The following BIRC5 variants were observed in gnomAD, a reference collection of about 807,000 sequenced individuals.
The protein encoded by BIRC5 is baculoviral IAP repeat containing 5, also known as baculoviral IAP repeat-containing protein 5.
Under a neutral mutation model 15.8 loss-of-function variants are expected in BIRC5, and 8 were observed. The ratio of observed to expected loss-of-function variants is 0.51; its 90% CI spans 0.30 to 0.91. The LOEUF is 0.91. Among genes scored for constraint, BIRC5 ranks in the 40% least tolerant of loss-of-function variants. BIRC5 has a pLI of 0.07. For missense variants in BIRC5, 163 were observed against 178.6 expected (o/e 0.91, Z 0.50); for synonymous variants, 56 against 64.5 (o/e 0.87, Z 0.63).
At chr17:78,222,534 G>A (rs971591053) in intron 3 of BIRC5, among the ~76,000 whole-genome samples, 2 of 152,044 alleles carry the variant, frequency 1.3e-5, no homozygotes, top group East Asian at 1.9e-4. Flanking sequence ...GGGTGGTGGC[G>A]CATGCCTGTA....
At position 78,214,699 on chromosome 17, in the gene BIRC5, T is replaced by TGCC; in HGVS notation, c.131_132insGCC (p.Ile44delinsMetPro). ...TTGCAGATGGCCGAGGCTGGCTTCA[T>TGCC]CCACTGCCCCACTGAGAACGAGCCA... is the stretch of plus-strand genomic sequence containing the variant. On this transcript the variant is annotated protein_altering_variant, in exon 2 of 4. Coordinates refer to ENST00000350051, the MANE Select transcript of BIRC5 (RefSeq NM_001168.3). 6.2e-7 allele frequency: 1 copy of TGCC among 1,608,508 alleles called. No homozygotes were observed. The highest frequency in any genetic ancestry group is 8.5e-7 in the Non-Finnish European group (1 of 1,177,910).
At chr17:78,221,184 A>T (rs2076512902) in intron 3 of BIRC5, among the ~76,000 whole-genome samples, 1 of 152,252 alleles carries the variant, frequency 6.6e-6, no homozygotes, top group Non-Finnish European at 1.5e-5. Flanking sequence ...TTTACTTGGT[A>T]AATACTTGTG....
chr17:78,214,881 G>GAAAGCAAC, intron 2 of BIRC5, 92 bp downstream of exon 2: 4 of 1,200,176 alleles, frequency 3.3e-6, no homozygotes, highest in African/African-American at 1.5e-5. Context: ...TGGGAGGGTT[G>GAAAGCAAC]CTTTCCACCC....
intron 3 of BIRC5, chr17:78,222,733 G>A (rs1262888281): frequency 4.1e-6 from 6 of 1,450,558 alleles, no homozygotes; most frequent in African/African-American, 1.4e-5. Context: ...AAAGGTCTTT[G>A]TTTTTTAATG....
Position 78,224,817 on chromosome 17 carries a change from C to T in BIRC5, c.*1263C>T, listed in dbSNP as rs1251885786. ...GTGAGGATGAGCGTCCTGGCAGAGA[C>T]GCAGTTGTCTCTGGGCGCTTGCCAG... On this transcript the variant is annotated 3_prime_UTR_variant, in exon 4 of 4. Coordinates refer to ENST00000350051, the MANE Select transcript of BIRC5 (RefSeq NM_001168.3). 2 of 152,196 alleles carry T rather than the reference C, an allele frequency of 1.3e-5. No homozygotes were observed. The highest frequency in any genetic ancestry group is 6.5e-5 in the Admixed American group (1 of 15,270). The allele number at this position is 152,196 out of a possible 1,614,324, so 9.4% of individuals were successfully genotyped here. A position where few individuals can be genotyped will look rare whatever the true frequency, so the allele number is the denominator to read the frequency against.
intron 3 of BIRC5, among the ~76,000 whole-genome samples, chr17:78,220,936 C>T (rs2076511078): frequency 6.6e-6 from 1 of 152,140 alleles, no homozygotes; most frequent in Non-Finnish European, 1.5e-5. Flanking sequence ...TTCCCAAGAT[C>T]CCAGATTTGA....
intron 3 of BIRC5, among the ~76,000 whole-genome samples, chr17:78,219,515 T>C (rs2076501910): frequency 6.6e-6 from 1 of 152,110 alleles, no homozygotes; most frequent in Non-Finnish European, 1.5e-5. Flanking sequence ...TGCTAAGGAC[T>C]GAGATTGTGT....
At chr17:78,220,585 G>A (rs1252556198) in intron 3 of BIRC5, among the ~76,000 whole-genome samples, 1 of 152,182 alleles carries the variant, frequency 6.6e-6, no homozygotes, top group Non-Finnish European at 1.5e-5. Flanking sequence ...CAGCCTGCAA[G>A]AAAAGTAGGG....
chr17:78,216,137 TAC>T (rs1396038225), intron 2 of BIRC5: 1 of 200,812 alleles, frequency 5.0e-6, no homozygotes. Flanking sequence ...TAGTCCCAGC[TAC>T]TCGGGAGGCT....
At chr17:78,216,592 G>A in intron 2 of BIRC5, 72 bp from the exon 3 acceptor site, 2 of 1,310,334 alleles carry the variant, frequency 1.5e-6, no homozygotes, top group African/African-American at 1.4e-5. Context: ...GCGTGGGGAG[G>A]TGGCCCGTGG....
chr17:78,224,515 C>T lies in BIRC5; in HGVS notation c.*961C>T, dbSNP rs1231659723. 2 of 152,204 alleles carry T rather than the reference C, an allele frequency of 1.3e-5. No homozygotes were observed. The highest frequency in any genetic ancestry group is 3.2e-3 in the Middle Eastern group (1 of 316). The allele number at this position is 152,204 out of a possible 1,614,324, so 9.4% of individuals were successfully genotyped here. ...CTCCACACGGGGGAGAGACGCAGTC[C>T]GCCCAGGTCCCCGCTTTCTTTGGAG... On this transcript the variant is annotated 3_prime_UTR_variant, in exon 4 of 4. Coordinates refer to ENST00000350051, the MANE Select transcript of BIRC5 (RefSeq NM_001168.3).
intron 3 of BIRC5, among the ~76,000 whole-genome samples, chr17:78,219,463 G>T (rs956605459): frequency 3.9e-5 from 6 of 152,226 alleles, no homozygotes; most frequent in Non-Finnish European, 8.8e-5. Context: ...GGGATTACAG[G>T]TGTGAACCAC....
chr17:78,223,313 C>A, intron 3 of BIRC5, 152 bp from the exon 4 acceptor site: 1 of 705,864 alleles, frequency 1.4e-6, no homozygotes, highest in Non-Finnish European at 2.2e-6. Flanking sequence ...GGATGTTTGT[C>A]CCAGGTAGCT....
intron 3 of BIRC5, among the ~76,000 whole-genome samples, chr17:78,222,020 A>T (rs772581777): frequency 6.6e-6 from 1 of 151,896 alleles, no homozygotes; most frequent in Non-Finnish European, 1.5e-5. Context: ...CAATGTGGCC[A>T]GACCTCATCT....
chr17:78,223,624 C>T lies in BIRC5; in HGVS notation c.*70C>T, dbSNP rs779009224. 5.0e-6 allele frequency: 8 copies of T among 1,603,532 alleles called. No homozygotes were observed. The East Asian group carries it at 1.6e-4, about 31-fold the overall frequency. The stretch of plus-strand genomic sequence containing the variant: ...TCCAGGGTTTATTCCCTGGTGCCAC[C>T]AGCCTTCCTGTGGGCCCCTTAGCAA... On this transcript the variant is annotated 3_prime_UTR_variant, in exon 4 of 4. Coordinates refer to ENST00000350051, the MANE Select transcript of BIRC5 (RefSeq NM_001168.3).
In BIRC5 at chr17:78,223,779, T is replaced by A; in HGVS notation, c.*225T>A. ...CTGCTGGTAACAGTGGCTGCTTCTC[T>A]CTCTCTCTCTCTTTTTTGGGGGCTC... On this transcript the variant is annotated 3_prime_UTR_variant, in exon 4 of 4. Coordinates refer to ENST00000350051, the MANE Select transcript of BIRC5 (RefSeq NM_001168.3). 1 of 927,146 alleles carries A rather than the reference T, an allele frequency of 1.1e-6. No homozygotes were observed. The highest frequency in any genetic ancestry group is 1.5e-6 in the Non-Finnish European group (1 of 670,496). The allele number at this position is 927,146 out of a possible 1,614,324, so 57.4% of individuals were successfully genotyped here. A position where few individuals can be genotyped will look rare whatever the true frequency, so the allele number is the denominator to read the frequency against.
chr17:78,217,157 C>A (rs1387493925), intron 3 of BIRC5, among the ~76,000 whole-genome samples: 2 of 148,924 alleles, frequency 1.3e-5, no homozygotes, highest in Admixed American at 1.3e-4. Context: ...GGATTACAGG[C>A]GTGAACCACC....
In BIRC5 at chr17:78,225,346, G is replaced by A. The variant is rs1221067086; in HGVS notation, c.*1792G>A. 1 of 152,240 alleles carries A rather than the reference G, an allele frequency of 6.6e-6. No individual in the cohort carries two copies. Among genetic ancestry groups the A allele is most frequent in the Non-Finnish European group, 1.5e-5 (1 of 68,046 alleles). 9.4% of individuals were successfully genotyped at this position (152,240 alleles called of 1,614,324 possible). A position where few individuals can be genotyped will look rare whatever the true frequency, so the allele number is the denominator to read the frequency against. On this transcript the variant is annotated 3_prime_UTR_variant, in exon 4 of 4. Coordinates refer to ENST00000350051, the MANE Select transcript of BIRC5 (RefSeq NM_001168.3). The stretch of plus-strand genomic sequence containing the variant: ...AATAAAGCCGTAGGCCCTTGTCTAA[G>A]TGCAACCGCCTAGACTTTCTTTCAG...
intron 3 of BIRC5, chr17:78,222,759 G>A (rs1010228984): frequency 4.7e-5 from 71 of 1,522,352 alleles, no homozygotes; most frequent in Non-Finnish European, 6.1e-5. Context: ...GAGGAGTTAG[G>A]GTTTATAAAA....
Sources: allele counts gnomAD v4.1 joint callset (sites outside exome capture counted in the v4.1 genomes callset), GRCh38; gene constraint gnomAD v4.1.1; transcripts MANE v1.5; gene names NCBI Gene and HGNC (gene_info 2026-07-23, HGNC 2026-07-21).